The following SLC2A1 variants were observed in gnomAD, a reference collection of about 807,000 sequenced individuals.
SLC2A1 encodes solute carrier family 2, facilitated glucose transporter member 1.
A neutral mutation model predicts 46.6 loss-of-function variants in SLC2A1; 4 were observed. That is an observed-to-expected ratio of 0.09 (90% CI 0.04 to 0.20). The LOEUF is 0.20. Ranked by LOEUF, SLC2A1 falls within the 10% of genes least tolerant of loss-of-function variation. SLC2A1 has a pLI of 1.00. For missense variants in SLC2A1, 352 were observed against 667.0 expected (o/e 0.53, Z 5.20); for synonymous variants, 253 against 270.0 (o/e 0.94, Z 0.62).
intron 1 of SLC2A1, among the ~76,000 whole-genome samples, chr1:42,947,041 T>A (rs923344623): frequency 6.6e-6 from 1 of 152,152 alleles, no homozygotes; most frequent in Non-Finnish European, 1.5e-5. Flanking sequence ...CCTCCACAAG[T>A]GTTTGCTGGA....
intron 1 of SLC2A1, among the ~76,000 whole-genome samples, chr1:42,956,542 G>A (rs1019925146): frequency 2.6e-5 from 4 of 151,808 alleles, no homozygotes; most frequent in Non-Finnish European, 4.4e-5. Context: ...TTGAGATCGC[G>A]CCATTGCACT....
At chr1:42,947,906 G>A (rs2124466927) in intron 1 of SLC2A1, among the ~76,000 whole-genome samples, 1 of 152,274 alleles carries the variant, frequency 6.6e-6, no homozygotes, top group Non-Finnish European at 1.5e-5. Flanking sequence ...CCCCTGACGA[G>A]TGCTGGAACA....
At position 42,958,714 on chromosome 1, in the gene SLC2A1, G is replaced by C. The variant is rs780530210; in HGVS notation, c.-63C>G. 20 of 1,509,284 alleles carry C rather than the reference G, an allele frequency of 1.3e-5. No individual in the cohort carries two copies. Among genetic ancestry groups the C allele is most frequent in the Non-Finnish European group, 1.8e-5 (20 of 1,124,016 alleles). The allele number at this position is 1,509,284 out of a possible 1,614,324, so 93.5% of individuals were successfully genotyped here. A position where few individuals can be genotyped will look rare whatever the true frequency, so the allele number is the denominator to read the frequency against. On this transcript the variant is annotated 5_prime_UTR_variant, in exon 1 of 10. Transcript: ENST00000426263. Reference sequence around the variant, plus strand: ...CGCGGGTGGCGACGGGCGTGCGAGCGGCGCTCTCCCGCTCAGGCTCGTGCT... The same window carrying C: ...CGCGGGTGGCGACGGGCGTGCGAGCCGCGCTCTCCCGCTCAGGCTCGTGCT...
intron 2 of SLC2A1, 72 bp downstream of exon 2, chr1:42,943,154 G>A: frequency 1.0e-6 from 1 of 992,756 alleles, no homozygotes. Flanking sequence ...GTGGTGGCGT[G>A]AGACTGTGGG....
intron 2 of SLC2A1, among the ~76,000 whole-genome samples, chr1:42,942,015 A>G (rs1293730304): frequency 6.6e-6 from 1 of 152,250 alleles, no homozygotes; most frequent in African/African-American, 2.4e-5. Context: ...GAAGAAGCCC[A>G]GCTAACTCTA....
In SLC2A1 at chr1:42,944,958, C is replaced by T. The variant is rs376881545; in HGVS notation, c.19-1637G>A. On this transcript the variant is annotated intron_variant, in intron 1 of 9. Transcript: ENST00000426263. ...CAATTCTCTGGGGAGCCTTCAGGCC[C>T]AGAGCTGTTGTTCCGAGTGGGTAGT... Among the ~76,000 whole-genome samples, 9 of 152,166 alleles carry T rather than the reference C, an allele frequency of 5.9e-5. No homozygotes were observed. The South Asian group carries it at 1.0e-3, about 18-fold the overall frequency.
intron 2 of SLC2A1, among the ~76,000 whole-genome samples, chr1:42,936,563 C>T (rs1643544259): frequency 6.6e-6 from 1 of 152,120 alleles, no homozygotes; most frequent in Non-Finnish European, 1.5e-5. Context: ...GGGGCTAGAG[C>T]TGGGCCCCAA....
In SLC2A1 at chr1:42,930,977, C is replaced by G. The variant is rs1643483476; in HGVS notation, c.275+69G>C. 1.2e-6 allele frequency: 2 copies of G among 1,609,624 alleles called. No homozygotes were observed. The highest frequency in any genetic ancestry group is 1.7e-4 in the Middle Eastern group (1 of 6,054). ...AGATAAGTCTCCCCTACCTCCCACC[C>G]CATCTGGGACTCCCTGGGCAGGAGG... is the stretch of plus-strand genomic sequence containing the variant. On this transcript the variant is annotated intron_variant, in intron 3 of 9. Transcript: ENST00000426263. The surrounding 1 kb of genome is among the most constrained non-coding windows in gnomAD (Gnocchi z 6.2).
At chr1:42,950,418 C>G (rs934293376) in intron 1 of SLC2A1, among the ~76,000 whole-genome samples, 2 of 152,240 alleles carry the variant, frequency 1.3e-5, no homozygotes, top group African/African-American at 4.8e-5. Context: ...AAAACCACAT[C>G]CTCCCTAAAT....
At chr1:42,932,418 C>T (rs1054605863) in intron 2 of SLC2A1, among the ~76,000 whole-genome samples, 3 of 144,800 alleles carry the variant, frequency 2.1e-5, no homozygotes, top group Admixed American at 7.1e-5. Context: ...TACCCAGAAA[C>T]GGCTTCTTAT....
rs121909740 is a variant in SLC2A1, at chr1:42,929,637, C to A, written c.823G>T (p.Ala275Ser). Residue 275 changes from alanine to serine, a missense_variant, in exon 6 of 10, where the codon GCT becomes TCT. By Grantham distance (99) the Ala-to-Ser change is moderately conservative (BLOSUM62 1). Around this residue, in one of 5 missense-constraint regions of SLC2A1, gnomAD observed 167 missense variants for 280.8 expected, o/e 0.59. Coordinates refer to ENST00000426263, the MANE Select transcript of SLC2A1 (RefSeq NM_006516.4). This position sits in a 1 kb window ranked among gnomAD's most constrained non-coding sequence, Gnocchi z 6.0. ...TGCTGGGACAGCTGCAGCACCACAGCGATGAGGATGGGCTGGCGGTAGGCG... is the reference window on the plus strand; with the variant it reads ...TGCTGGGACAGCTGCAGCACCACAGAGATGAGGATGGGCTGGCGGTAGGCG... ...SPAYRQPILIAVVLQLSQQLS... is the reference protein window; with the variant it reads ...SPAYRQPILISVVLQLSQQLS... The A allele has an allele frequency of 6.2e-7, 1 of 1,613,784 alleles. No homozygotes were observed. The highest frequency in any genetic ancestry group is 8.5e-7 in the Non-Finnish European group (1 of 1,179,994).
chr1:42,947,497 G>A (rs1211018772), intron 1 of SLC2A1, among the ~76,000 whole-genome samples: 3 of 148,430 alleles, frequency 2.0e-5, no homozygotes, highest in African/African-American at 7.5e-5. Flanking sequence ...CAAGGTGGGC[G>A]GATCATTTGA....
At chr1:42,945,747 AAAAAAACAAAAAAC>A (rs1176280562) in intron 1 of SLC2A1, among the ~76,000 whole-genome samples, 3 of 139,196 alleles carry the variant, frequency 2.2e-5, no homozygotes, top group African/African-American at 8.8e-5. Flanking sequence ...TCAAAAAAAA[AAAAAAACAAAAAAC>A]AAAAAACAAG....
In SLC2A1 at chr1:42,929,750, A is replaced by C; in HGVS notation, c.710T>G (p.Val237Gly). The change falls in exon 6 of 10, where the codon GTG becomes GGG. Residue 237 changes from valine (V) to glycine (G), a missense_variant. Transcript: ENST00000426263. The surrounding 1 kb of genome is among the most constrained non-coding windows in gnomAD (Gnocchi z 6.0). ...VLKKLRGTAD[V>G]THDLQEMKEE... is the part of the protein sequence containing the mutation. ...CTTCATCTCCTGCAGGTCATGGGTC[A>C]CGTCAGCTGTCCCGCGCAGCTTCTT... is the stretch of plus-strand genomic sequence containing the variant. 6.2e-7 allele frequency: 1 copy of C among 1,614,166 alleles called. No homozygotes were observed. Among genetic ancestry groups the C allele is most frequent in the Non-Finnish European group, 8.5e-7 (1 of 1,180,030 alleles).
Position 42,927,298 on chromosome 1 carries a change from GACTTTGGATAA to G in SLC2A1, c.1279-68_1279-58del. The G allele has an allele frequency of 6.5e-7, 1 of 1,530,296 alleles. No individual in the cohort carries two copies. Among genetic ancestry groups the G allele is most frequent in the East Asian group, 2.3e-5 (1 of 44,296 alleles). 94.8% of individuals were successfully genotyped at this position (1,530,296 alleles called of 1,614,324 possible). On this transcript the variant is annotated intron_variant, in intron 9 of 9. Coordinates refer to ENST00000426263, the MANE Select transcript of SLC2A1 (RefSeq NM_006516.4). This position sits in a 1 kb window ranked among gnomAD's most constrained non-coding sequence, Gnocchi z 5.3. ...TCATGACCCTACATCCTGGCTGTAG[GACTTTGGATAA>G]GTCACTTTACCTTTGGGCCTTTGAG...
At chr1:42,931,574 C>G (rs1486836823) in intron 2 of SLC2A1, among the ~76,000 whole-genome samples, 1 of 151,888 alleles carries the variant, frequency 6.6e-6, no homozygotes, top group African/African-American at 2.4e-5. Context: ...GCCTGTAATC[C>G]CAGCACTTTG....
chr1:42,949,100 G>C (rs1351733426), intron 1 of SLC2A1, among the ~76,000 whole-genome samples: 4 of 151,704 alleles, frequency 2.6e-5, no homozygotes, highest in African/African-American at 9.7e-5. Flanking sequence ...AAAATTAGTG[G>C]GGTGTGGTGG....
At chr1:42,950,050 G>C (rs1643703767) in intron 1 of SLC2A1, among the ~76,000 whole-genome samples, 1 of 152,194 alleles carries the variant, frequency 6.6e-6, no homozygotes, top group Admixed American at 6.5e-5. Context: ...CCACTTTGCT[G>C]CATTTGCTAT....
intron 1 of SLC2A1, chr1:42,951,805 T>C (rs1303991414): frequency 1.0e-5 from 4 of 398,822 alleles, no homozygotes; most frequent in Non-Finnish European, 1.3e-5. Flanking sequence ...GGGTAGTTCA[T>C]GCAAGGAAGT....
Sources: allele counts gnomAD v4.1 joint callset (sites outside exome capture counted in the v4.1 genomes callset), GRCh38; gene constraint gnomAD v4.1.1; regional missense constraint gnomAD v4.1.1; non-coding constraint Gnocchi (gnomAD v3.1); transcripts MANE v1.5; gene names NCBI Gene and HGNC (gene_info 2026-07-23, HGNC 2026-07-21).